Variants in CCDC126 observed in about 807,000 individuals in gnomAD.
CCDC126 encodes coiled-coil domain-containing protein 126.
A neutral mutation model predicts 11.7 loss-of-function variants in CCDC126; 5 were observed. The observed-to-expected ratio is 0.43, with a 90% CI of 0.22 to 0.90. The LOEUF (loss-of-function observed/expected upper bound fraction) is 0.90. Ranked by LOEUF, CCDC126 falls within the 40% of genes least tolerant of loss-of-function variation. CCDC126 has a pLI of 0.27. For missense variants in CCDC126, 150 were observed against 163.1 expected, an observed-to-expected ratio of 0.92 and a Z score of 0.44; for synonymous variants, 60 against 61.9, an observed-to-expected ratio of 0.97 and a Z score of 0.14.
At chr7:23,636,514 C>T (rs1462204532) in intron 3 of CCDC126, among the ~76,000 whole-genome samples, 7 of 142,826 alleles carry the variant, frequency 4.9e-5, no homozygotes, top group Non-Finnish European at 1.1e-4. Flanking sequence ...TGCCCCGCCG[C>T]CCTGTCTGGG....
At chr7:23,619,569 C>CTT (rs890479326) in intron 3 of CCDC126, 2 of 236,934 alleles carry the variant, frequency 8.4e-6, no homozygotes, top group South Asian at 1.2e-4. Flanking sequence ...TTTATTTTTT[C>CTT]TTTTTTTTAA....
intron 3 of CCDC126, among the ~76,000 whole-genome samples, chr7:23,637,517 C>G (rs1320672968): frequency 1.6e-5 from 1 of 60,838 alleles, no homozygotes; most frequent in Non-Finnish European, 3.2e-5. Context: ...CCGCCCCGTC[C>G]GGGAGGGAGG....
chr7:23,644,030 G>C lies in CCDC126; in HGVS notation c.*915G>C, dbSNP rs1215263395. 1 of 152,032 alleles carries C rather than the reference G, an allele frequency of 6.6e-6. No homozygotes were observed. The allele number at this position is 152,032 out of a possible 1,614,324, so 9.4% of individuals were successfully genotyped here. ...TAGGAGGAAGGGACTTTGGAGAATG[G>C]AACTCTTGAGGACTTTAGCCAGGTG... On this transcript the variant is annotated 3_prime_UTR_variant, in exon 4 of 4. Transcript: ENST00000307471.
intron 2 of CCDC126, among the ~76,000 whole-genome samples, chr7:23,599,370 G>A (rs1476970561): frequency 6.6e-6 from 1 of 152,174 alleles, no homozygotes; most frequent in Non-Finnish European, 1.5e-5. Context: ...TGCTAGCCTA[G>A]TTGGCTTTGG....
intron 3 of CCDC126, among the ~76,000 whole-genome samples, chr7:23,639,937 A>C (rs1783323631): frequency 1.3e-5 from 2 of 152,182 alleles, no homozygotes; most frequent in South Asian, 4.1e-4. Context: ...GCACTTTGGG[A>C]GGCCGAGGTG....
chr7:23,617,996 A>G (rs1426635398), intron 3 of CCDC126, among the ~76,000 whole-genome samples: 1 of 152,184 alleles, frequency 6.6e-6, no homozygotes, highest in Non-Finnish European at 1.5e-5. Context: ...TTACAGTTTT[A>G]GTGTAGAAGA....
chr7:23,616,782 G>A (rs1479280280), intron 3 of CCDC126, among the ~76,000 whole-genome samples: 1 of 152,146 alleles, frequency 6.6e-6, no homozygotes, highest in Non-Finnish European at 1.5e-5. Context: ...TTTCGTACAT[G>A]TGTTGGGCCC....
chr7:23,630,369 C>T (rs745492249), intron 3 of CCDC126, among the ~76,000 whole-genome samples: 4 of 152,058 alleles, frequency 2.6e-5, no homozygotes, highest in Admixed American at 2.6e-4. Context: ...TGTGGTTGTG[C>T]ACGCCTGTAA....
chr7:23,604,110 C>A (rs1203589967), intron 2 of CCDC126: 1 of 152,182 alleles, frequency 6.6e-6, no homozygotes, highest in East Asian at 1.9e-4. Context: ...GAACTGTTCT[C>A]ATCAGCAACA....
intron 2 of CCDC126, chr7:23,598,518 G>T: frequency 6.6e-6 from 1 of 152,266 alleles, no homozygotes. Flanking sequence ...CAGCTTCAGA[G>T]GTACAAGTAT....
Position 23,601,675 on chromosome 7 carries a change from A to C in CCDC126, c.-146+3624A>C, listed in dbSNP as rs148961603. On this transcript the variant is annotated intron_variant, in intron 2 of 3. Coordinates refer to ENST00000307471, the MANE Select transcript of CCDC126 (RefSeq NM_138771.4). ...CTTATCTTTATAATGAAGTTGTTCT[A>C]GTTTAAATATTTGCTGATTCTTTGT... Among the ~76,000 whole-genome samples the C allele has an allele frequency of 7.4e-3, 1,122 of 152,180 alleles. 15 individuals are homozygous for C. The highest frequency in any genetic ancestry group is 0.024 in the African/African-American group (1,001 of 41,498).
At chr7:23,609,132 G>A (rs1782665827) in intron 2 of CCDC126, among the ~76,000 whole-genome samples, 1 of 152,186 alleles carries the variant, frequency 6.6e-6, no homozygotes, top group South Asian at 2.1e-4. Flanking sequence ...GAACAATTTG[G>A]GGAGGTTCCA....
chr7:23,614,513 A>G (rs1195930165), intron 3 of CCDC126, among the ~76,000 whole-genome samples: 1 of 152,170 alleles, frequency 6.6e-6, no homozygotes, highest in Non-Finnish European at 1.5e-5. Flanking sequence ...TGACATTTTT[A>G]CCTCCTTTCA....
chr7:23,606,189 G>C (rs2128014686), intron 2 of CCDC126, among the ~76,000 whole-genome samples: 1 of 152,136 alleles, frequency 6.6e-6, no homozygotes, highest in African/African-American at 2.4e-5. Context: ...CTCCCAAGTA[G>C]CTGGGACTAC....
chr7:23,619,371 G>C, intron 3 of CCDC126: 1 of 386,042 alleles, frequency 2.6e-6, no homozygotes, highest in Admixed American at 3.0e-5. Flanking sequence ...ATGCAACCAT[G>C]AAGCGCATGC....
chr7:23,631,185 A>T (rs10246848), intron 3 of CCDC126, among the ~76,000 whole-genome samples: 3,179 of 152,266 alleles, frequency 0.021, 109 homozygotes, highest in African/African-American at 0.071. Context: ...TGAAAACAAA[A>T]ACAGTAGAGA....
Position 23,643,065 on chromosome 7 carries a change from G to A in CCDC126, c.373G>A (p.Val125Met), listed in dbSNP as rs376981174. 2 of 1,614,004 alleles carry A rather than the reference G, an allele frequency of 1.2e-6. No individual in the cohort carries two copies. Among genetic ancestry groups the A allele is most frequent in the African/African-American group, 2.7e-5 (2 of 74,922 alleles). ...CACCAATGGTACTAGTGGGAATTTG[G>A]TGCCAGTAACCACAAATAAAAGAAC... ...NTTNGTSGNL[V>M]PVTTNKRTNV... The change falls in exon 4 of 4, where the codon GTG becomes ATG. Residue 125 changes from valine (V) to methionine (M), a missense_variant. Physicochemically the swap from Val to Met is conservative, Grantham distance 21. Transcript: ENST00000307471.
intron 3 of CCDC126, among the ~76,000 whole-genome samples, chr7:23,623,202 A>G (rs1782953657): frequency 6.6e-6 from 1 of 151,408 alleles, no homozygotes; most frequent in Non-Finnish European, 1.5e-5. Context: ...TTACTACAGA[A>G]AAATATGCCT....
intron 3 of CCDC126, among the ~76,000 whole-genome samples, chr7:23,632,003 T>C (rs2128020701): frequency 6.6e-6 from 1 of 151,744 alleles, no homozygotes; most frequent in East Asian, 1.9e-4. Context: ...AAACTGCAGA[T>C]CAAAATTCCC....
Sources: allele counts gnomAD v4.1 joint callset (sites outside exome capture counted in the v4.1 genomes callset), GRCh38; gene constraint gnomAD v4.1.1; transcripts MANE v1.5; gene names NCBI Gene and HGNC (gene_info 2026-07-23, HGNC 2026-07-21).